The following TRPC5 variants were observed in gnomAD, a reference collection of about 807,000 sequenced individuals.
TRPC5 encodes transient receptor potential cation channel subfamily C member 5, also known as short transient receptor potential channel 5.
In TRPC5, 9 loss-of-function variants were observed where a neutral mutation model predicts 56.5. That is an observed-to-expected ratio of 0.16 (90% CI 0.10 to 0.28). TRPC5 has a LOEUF of 0.28. TRPC5 is among the 10% of genes least tolerant of loss of function. The pLI is 1.00. For missense variants in TRPC5, 469 were observed against 748.9 expected (o/e 0.63, Z 4.36); for synonymous variants, 282 against 278.5 (o/e 1.01, Z -0.13).
chrX:112,065,297 C>T (rs1449497904), intron 1 of TRPC5, among the ~76,000 whole-genome samples: 5 of 111,266 alleles, frequency 4.5e-5, no homozygotes, highest in Non-Finnish European at 7.5e-5. Flanking sequence ...TTTATCATCA[C>T]GCTTATCTTA....
At chrX:111,931,122 A>G (rs1452886449) in intron 2 of TRPC5, 2 of 111,595 alleles carry the variant, frequency 1.8e-5, no homozygotes, top group Non-Finnish European at 3.8e-5. Flanking sequence ...TGTACTGTTA[A>G]AAAGAACAGG....
At chrX:111,796,187 T>C (rs1169633681) in intron 7 of TRPC5, among the ~76,000 whole-genome samples, 2 of 112,029 alleles carry the variant, frequency 1.8e-5, no homozygotes, top group Non-Finnish European at 3.8e-5. Flanking sequence ...TATCACTTTA[T>C]TAATATTCTC....
intron 3 of TRPC5, among the ~76,000 whole-genome samples, chrX:111,868,215 G>T (rs918842619): frequency 1.8e-5 from 2 of 112,049 alleles, no homozygotes; most frequent in Non-Finnish European, 3.8e-5. Context: ...TAGAAGCAGA[G>T]GATCTGGTCG....
chrX:112,021,002 G>A (rs1929257764), intron 1 of TRPC5, among the ~76,000 whole-genome samples: 1 of 107,787 alleles, frequency 9.3e-6, no homozygotes, highest in Non-Finnish European at 1.9e-5. Context: ...CTGGACTTTA[G>A]GGTCTTTATC....
chrX:112,034,879 A>G (rs1382110370), intron 1 of TRPC5, among the ~76,000 whole-genome samples: 5 of 107,961 alleles, frequency 4.6e-5, no homozygotes, highest in Admixed American at 1.0e-4. Context: ...CAGTCTAACT[A>G]AAGATTTGTC....
At chrX:111,807,966 G>C (rs1233216567) in intron 7 of TRPC5, among the ~76,000 whole-genome samples, 1 of 109,119 alleles carries the variant, frequency 9.2e-6, no homozygotes, top group East Asian at 2.9e-4. Flanking sequence ...CTGTGTGTGT[G>C]TGTGTGTGTG....
chrX:111,932,875 T>C (rs1331310313), intron 2 of TRPC5, among the ~76,000 whole-genome samples: 2 of 111,336 alleles, frequency 1.8e-5, no homozygotes, highest in Admixed American at 1.9e-4. Context: ...GTAACATGAG[T>C]CACAAGCACT....
intron 2 of TRPC5, among the ~76,000 whole-genome samples, chrX:111,929,375 C>T: frequency 8.9e-6 from 1 of 112,462 alleles, no homozygotes; most frequent in Non-Finnish European, 1.9e-5. Flanking sequence ...TGTGTTCCAT[C>T]AAATTAGCAT....
intron 3 of TRPC5, 136 bp downstream of exon 3, chrX:111,912,155 T>C (rs1315745608): frequency 1.0e-5 from 7 of 667,310 alleles, no homozygotes; most frequent in Non-Finnish European, 1.5e-5. Context: ...CTCGGATAAA[T>C]GGGCCTAGCT....
chrX:111,959,595 C>G (rs1284079316), intron 1 of TRPC5, among the ~76,000 whole-genome samples: 1 of 111,655 alleles, frequency 9.0e-6, no homozygotes, highest in Non-Finnish European at 1.9e-5. Context: ...GGCGATGGGA[C>G]ATAATCATGT....
chrX:112,001,082 T>C (rs779441504), intron 1 of TRPC5, among the ~76,000 whole-genome samples: 4 of 112,596 alleles, frequency 3.6e-5, no homozygotes, highest in Non-Finnish European at 7.5e-5. Context: ...AATCAAGCTC[T>C]TGTAAATGTC....
At chrX:111,988,108 C>T (rs1418528107) in intron 1 of TRPC5, among the ~76,000 whole-genome samples, 3 of 112,161 alleles carry the variant, frequency 2.7e-5, no homozygotes, top group Non-Finnish European at 5.6e-5. Context: ...ACCAGAACAC[C>T]ACTGGATGGA....
At chrX:112,045,681 C>T (rs1930000285) in intron 1 of TRPC5, among the ~76,000 whole-genome samples, 1 of 111,670 alleles carries the variant, frequency 9.0e-6, no homozygotes, top group African/African-American at 3.3e-5. Context: ...CAATTGTTGG[C>T]CCTCAGTAAT....
At chrX:111,907,574 G>A (rs1007538651) in intron 3 of TRPC5, among the ~76,000 whole-genome samples, 4 of 109,941 alleles carry the variant, frequency 3.6e-5, no homozygotes, top group Non-Finnish European at 5.7e-5. Flanking sequence ...GCAGTGAGCC[G>A]AGATGGCACC....
At chrX:111,998,551 A>G (rs908610079) in intron 1 of TRPC5, among the ~76,000 whole-genome samples, 4 of 112,092 alleles carry the variant, frequency 3.6e-5, no homozygotes, top group African/African-American at 1.3e-4. Context: ...AAACCCACAG[A>G]TACAAAAAGT....
At chrX:111,804,967 A>T (rs1337535978) in intron 7 of TRPC5, among the ~76,000 whole-genome samples, 4 of 111,859 alleles carry the variant, frequency 3.6e-5, no homozygotes, top group Non-Finnish European at 5.6e-5. Context: ...GCACTTTCAG[A>T]ATGATATTGG....
At chrX:111,954,604 T>C (rs781388154) in intron 1 of TRPC5, among the ~76,000 whole-genome samples, 24 of 112,045 alleles carry the variant, frequency 2.1e-4, no homozygotes, top group Middle Eastern at 4.6e-3. Flanking sequence ...TAGCTCATAA[T>C]CTTGGTATCC....
chrX:112,000,894 C>G (rs1397123952), intron 1 of TRPC5, among the ~76,000 whole-genome samples: 1 of 112,122 alleles, frequency 8.9e-6, no homozygotes, highest in Non-Finnish European at 1.9e-5. Context: ...GTCAGAGTCT[C>G]AGCAAGCCTG....
At position 112,049,900 on chromosome X, in the gene TRPC5, G is replaced by C. The variant is rs745922705; in HGVS notation, c.-22+31979C>G. On this transcript the variant is annotated intron_variant, in intron 1 of 10. Transcript: ENST00000262839. ...ATTAGAATATTAAAGGCTAGGCTGG[G>C]CGTGGTGGCTCACGCCTGTAATGCC... 5.5e-4 allele frequency among the ~76,000 whole-genome samples: 62 copies of C among 112,447 alleles called. 1 individual carries two copies. The highest frequency in any genetic ancestry group is 2.2e-3 in the South Asian group (6 of 2,728).
Sources: allele counts gnomAD v4.1 joint callset (sites outside exome capture counted in the v4.1 genomes callset), GRCh38; gene constraint gnomAD v4.1.1; transcripts MANE v1.5; gene names NCBI Gene and HGNC (gene_info 2026-07-23, HGNC 2026-07-21).